The following UGT2A2 variants were observed in gnomAD, a reference collection of about 807,000 sequenced individuals.
UGT2A2 encodes the protein UDP glucuronosyltransferase family 2 member A2, also known as UDP-glucuronosyltransferase 2A2.
A neutral mutation model predicts 50.7 loss-of-function variants in UGT2A2; 60 were observed. The observed-to-expected ratio is 1.18, with a 90% confidence interval of 0.96 to 1.47. The LOEUF is 1.47. Ranked by LOEUF, UGT2A2 falls within the 40% of genes most tolerant of loss-of-function variation. The pLI, the probability that UGT2A2 is intolerant of heterozygous loss-of-function variation, is 0.00. For missense variants in UGT2A2, 762 were observed against 634.0 expected (o/e 1.20, Z -2.17); for synonymous variants, 242 against 214.6 (o/e 1.13, Z -1.11).
intron 1 of UGT2A2, among the ~76,000 whole-genome samples, chr4:69,600,813 A>AT (rs1395525038): frequency 6.6e-6 from 1 of 151,794 alleles, no homozygotes; most frequent in East Asian, 2.0e-4. Flanking sequence ...TACACTTAAA[A>AT]AAAAAAACAG....
chr4:69,624,731 TA>T (rs1422224331), intron 1 of UGT2A2, among the ~76,000 whole-genome samples: 22 of 151,450 alleles, frequency 1.5e-4, no homozygotes, highest in African/African-American at 5.1e-4. Flanking sequence ...GATTTTGTGT[TA>T]TTGTTGCCAT....
At chr4:69,611,146 GT>G (rs1339521659) in intron 1 of UGT2A2, among the ~76,000 whole-genome samples, 1 of 151,556 alleles carries the variant, frequency 6.6e-6, no homozygotes, top group East Asian at 1.9e-4. Context: ...TTGGGTTTTT[GT>G]TTTTGTTTTA....
At chr4:69,612,465 C>T (rs7655867) in intron 1 of UGT2A2, among the ~76,000 whole-genome samples, 21,771 of 151,858 alleles carry the variant, frequency 0.14, 1,745 homozygotes, top group Non-Finnish European at 0.18. Context: ...GCCGAAAGCA[C>T]CATACTACCC....
intron 1 of UGT2A2, among the ~76,000 whole-genome samples, chr4:69,627,544 GAGAAAGA>G (rs1721145465): frequency 1.0e-5 from 1 of 95,594 alleles, no homozygotes; most frequent in Non-Finnish European, 2.5e-5. Flanking sequence ...AAGAGAGAGA[GAGAAAGA>G]GAGAGAGAGA....
intron 1 of UGT2A2, among the ~76,000 whole-genome samples, chr4:69,616,065 T>C (rs1206206798): frequency 1.3e-5 from 2 of 151,988 alleles, no homozygotes; most frequent in Non-Finnish European, 2.9e-5. Flanking sequence ...TTGCAATAAC[T>C]TGGATGAATC....
chr4:69,608,168 C>A (rs560263017), intron 1 of UGT2A2, among the ~76,000 whole-genome samples: 1 of 152,178 alleles, frequency 6.6e-6, no homozygotes, highest in East Asian at 1.9e-4. Context: ...TTGGAACCAA[C>A]CCAAATGTCC....
At chr4:69,597,479 G>T (rs1316637048) in intron 2 of UGT2A2, among the ~76,000 whole-genome samples, 1 of 152,078 alleles carries the variant, frequency 6.6e-6, no homozygotes, top group Non-Finnish European at 1.5e-5. Flanking sequence ...CTATATGAAT[G>T]CTACTTTCTA....
chr4:69,618,035 T>C (rs181221814), intron 1 of UGT2A2, among the ~76,000 whole-genome samples: 19 of 152,140 alleles, frequency 1.2e-4, no homozygotes, highest in Non-Finnish European at 2.4e-4. Context: ...TAAGAATTTA[T>C]TTGTTTGACA....
At chr4:69,608,121 G>A (rs555575843) in intron 1 of UGT2A2, among the ~76,000 whole-genome samples, 5 of 152,194 alleles carry the variant, frequency 3.3e-5, no homozygotes, top group East Asian at 1.9e-4. Flanking sequence ...CCATGCACAC[G>A]TATGTTTATT....
chr4:69,618,752 GT>G (rs1459496435), intron 1 of UGT2A2, among the ~76,000 whole-genome samples: 2 of 151,822 alleles, frequency 1.3e-5, no homozygotes, highest in Non-Finnish European at 2.9e-5. Context: ...AAAGCCTTAA[GT>G]ATACTCCAAT....
chr4:69,594,372 T>C, intron 5 of UGT2A2, 105 bp downstream of exon 5: 1 of 1,416,216 alleles, frequency 7.1e-7, no homozygotes, highest in Non-Finnish European at 9.5e-7. Context: ...CAGGTTATGG[T>C]TGTTATTGGA....
chr4:69,595,553 A>G (rs11728785), intron 3 of UGT2A2, among the ~76,000 whole-genome samples: 152,216 of 152,270 alleles, frequency 1, 76,081 homozygotes, highest in Non-Finnish European at 1. Flanking sequence ...TCACAACATG[A>G]AGGGGAAAAA....
intron 1 of UGT2A2, among the ~76,000 whole-genome samples, chr4:69,616,453 C>T (rs909375994): frequency 6.6e-6 from 1 of 151,912 alleles, no homozygotes; most frequent in African/African-American, 2.4e-5. Context: ...TTGATCATTA[C>T]ACATTTTAAG....
Position 69,616,850 on chromosome 4 carries a change from T to G in UGT2A2, c.743-17456A>C, listed in dbSNP as rs201075503. Among the ~76,000 whole-genome samples the G allele has an allele frequency of 9.3e-3, 1,198 of 129,508 alleles. 16 individuals are homozygous for G. Among genetic ancestry groups the G allele is most frequent in the African/African-American group, 0.033 (1,131 of 34,726 alleles). The allele number at this position is 129,508 out of a possible 152,430, so 85.0% of individuals were successfully genotyped here. A position where few individuals can be genotyped will look rare whatever the true frequency, so the allele number is the denominator to read the frequency against. Reference sequence around the variant, plus strand: ...TTTCTTTTCTTTTTTTTTTTTTTTTTGAATAGTGGTTTCTAAGTTTCATTT... The same window carrying G: ...TTTCTTTTCTTTTTTTTTTTTTTTTGGAATAGTGGTTTCTAAGTTTCATTT... On this transcript the variant is annotated intron_variant, in intron 1 of 5. Transcript: ENST00000604629.
At chr4:69,632,574 T>C (rs186120251) in intron 1 of UGT2A2, among the ~76,000 whole-genome samples, 288 of 152,162 alleles carry the variant, frequency 1.9e-3, no homozygotes, top group African/African-American at 6.6e-3. Flanking sequence ...ATGGAAATCA[T>C]CCTTAGTGAA....
chr4:69,617,627 A>C (rs147656181), intron 1 of UGT2A2, among the ~76,000 whole-genome samples: 25 of 151,904 alleles, frequency 1.6e-4, no homozygotes, highest in Non-Finnish European at 2.8e-4. Flanking sequence ...AATGATATAA[A>C]TACATTAAAA....
chr4:69,593,879 A>C (rs1297089178), intron 5 of UGT2A2, among the ~76,000 whole-genome samples: 1 of 151,732 alleles, frequency 6.6e-6, no homozygotes, highest in Non-Finnish European at 1.5e-5. Context: ...ATTAGTTTAT[A>C]ATATTAAGCA....
chr4:69,639,508 T>C lies in UGT2A2; in HGVS notation c.133A>G (p.Ile45Val), dbSNP rs775401289. 5 of 1,613,446 alleles carry C rather than the reference T, an allele frequency of 3.1e-6. No individual in the cohort carries two copies. The South Asian group carries it at 5.5e-5, about 18-fold the overall frequency. Residue 45 changes from isoleucine to valine, a missense_variant, in exon 1 of 6, where the codon ATT becomes GTT. Coordinates refer to ENST00000604629, the MANE Select transcript of UGT2A2 (RefSeq NM_001105677.2). The part of the protein sequence containing the change: ...WPTDGSHWLN[I>V]KIILEELIQR... ...ATCAACTCTTCTAGAATAATCTTAATATTTAACCAATGGCTACCATCTGTA... is the reference window on the plus strand; with the variant it reads ...ATCAACTCTTCTAGAATAATCTTAACATTTAACCAATGGCTACCATCTGTA...
chr4:69,612,182 G>A (rs1255916516), intron 1 of UGT2A2, among the ~76,000 whole-genome samples: 1 of 151,570 alleles, frequency 6.6e-6, no homozygotes, highest in African/African-American at 2.4e-5. Context: ...ATCAGCAAAA[G>A]TAACAGAGAC....
Sources: allele counts gnomAD v4.1 joint callset (sites outside exome capture counted in the v4.1 genomes callset), GRCh38; gene constraint gnomAD v4.1.1; transcripts MANE v1.5; gene names NCBI Gene and HGNC (gene_info 2026-07-23, HGNC 2026-07-21).